Variants in ADPRHL1 observed in about 807,000 individuals in gnomAD.
ADPRHL1 encodes ADP-ribosylhydrolase like 1.
Under a neutral mutation model 44.1 loss-of-function variants are expected in ADPRHL1, and 43 were observed. The observed-to-expected ratio is 0.98, with a 90% CI of 0.76 to 1.26. The LOEUF (loss-of-function observed/expected upper bound fraction) is 1.26, where lower values mean the gene tolerates loss of function less well. ADPRHL1 is among the 50% of genes most tolerant of loss of function. The pLI is 0.00. For missense variants in ADPRHL1, 2,022 were observed against 2,496.9 expected (o/e 0.81, Z 4.05); for synonymous variants, 878 against 1,017.4 (o/e 0.86, Z 2.61).
At chr13:113,413,542 G>A (rs1051221180) in intron 7 of ADPRHL1, among the ~76,000 whole-genome samples, 10 of 152,194 alleles carry the variant, frequency 6.6e-5, no homozygotes, top group Non-Finnish European at 4.4e-5. Flanking sequence ...CCCTGTGATC[G>A]GGGCCTTCAC....
intron 6 of ADPRHL1, among the ~76,000 whole-genome samples, chr13:113,423,775 T>C (rs1244616433): frequency 6.6e-6 from 1 of 152,198 alleles, no homozygotes; most frequent in Non-Finnish European, 1.5e-5. Context: ...CAGGCCACAG[T>C]CTGCGACTTT....
chr13:113,436,352 G>A (rs1461973210), intron 2 of ADPRHL1, among the ~76,000 whole-genome samples: 2 of 124,922 alleles, frequency 1.6e-5, no homozygotes, highest in African/African-American at 3.1e-5. Context: ...GGTGTACCCC[G>A]GGACCCAGCA....
chr13:113,439,623 T>C (rs1175923617), intron 2 of ADPRHL1, among the ~76,000 whole-genome samples: 6 of 151,430 alleles, frequency 4.0e-5, no homozygotes, highest in Non-Finnish European at 8.8e-5. Context: ...AATTTTTGTA[T>C]TTTTAGTAGA....
intron 4 of ADPRHL1, among the ~76,000 whole-genome samples, chr13:113,428,237 C>T (rs2043980876): frequency 1.1e-5 from 1 of 89,780 alleles, no homozygotes; most frequent in African/African-American, 4.5e-5. Context: ...AGCCAGATTC[C>T]ATCTCAAAAA....
At chr13:113,419,735 G>C (rs1056307750) in intron 7 of ADPRHL1, among the ~76,000 whole-genome samples, 5 of 152,116 alleles carry the variant, frequency 3.3e-5, no homozygotes, top group African/African-American at 1.2e-4. Context: ...CAGTTAAAAA[G>C]GCGCAGATTG....
At position 113,400,491 on chromosome 13, in the gene ADPRHL1, T is replaced by C. The variant is rs528816463; in HGVS notation, c.*2887A>G. ...TTTTTTTAAAAAAACAAAACAACTT[T>C]GGGTTTTATTTAAAATGCCCGTGGA... On this transcript the variant is annotated 3_prime_UTR_variant, in exon 8 of 8. Coordinates refer to ENST00000612156, the MANE Select transcript of ADPRHL1 (RefSeq NM_001394807.1). The C allele has an allele frequency of 6.6e-6, 1 of 151,746 alleles. No individual in the cohort carries two copies. The highest frequency in any genetic ancestry group is 1.9e-4 in the East Asian group (1 of 5,160). The allele number at this position is 151,746 out of a possible 1,614,324, so 9.4% of individuals were successfully genotyped here. A position where few individuals can be genotyped will look rare whatever the true frequency, so the allele number is the denominator to read the frequency against.
chr13:113,444,223 G>A (rs998652439), intron 2 of ADPRHL1, among the ~76,000 whole-genome samples: 3 of 152,054 alleles, frequency 2.0e-5, no homozygotes, highest in Non-Finnish European at 2.9e-5. Flanking sequence ...GACCAGGAGG[G>A]GCCCCTGCCC....
chr13:113,444,733 C>T, intron 1 of ADPRHL1, 144 bp from the exon 2 acceptor site: 5 of 965,936 alleles, frequency 5.2e-6, no homozygotes, highest in Non-Finnish European at 6.1e-6. Context: ...CTCCGTTCTC[C>T]TGCCTCAGCC....
chr13:113,404,571 G>A lies in ADPRHL1; in HGVS notation c.4711C>T (p.Pro1571Ser). The change falls in exon 8 of 8, where the codon CCA (proline) becomes TCA (serine). Residue 1571 changes from proline (P) to serine (S), a missense_variant. Pro to Ser is a moderately conservative substitution (Grantham distance 74, BLOSUM62 -1). This residue lies in a region of ADPRHL1 where 32 missense variants were observed against 72.6 expected (regional missense o/e 0.44). Coordinates refer to ENST00000612156, the MANE Select transcript of ADPRHL1 (RefSeq NM_001394807.1). ...TGTCCCTGGGCCCCACCCTGAGCTG[G>A]TTCCTGTGCCTGCCCCTGGGCCTCT... ...QIEAQGQAQE[P>S]AQGGAQGQVQ... The A allele has an allele frequency of 7.7e-7, 1 of 1,293,166 alleles. No individual in the cohort carries two copies. The highest frequency in any genetic ancestry group is 9.8e-7 in the Non-Finnish European group (1 of 1,024,460). The allele number at this position is 1,293,166 out of a possible 1,614,324, so 80.1% of individuals were successfully genotyped here.
chr13:113,412,323 GC>G (rs1207238267), intron 7 of ADPRHL1, among the ~76,000 whole-genome samples: 1 of 152,098 alleles, frequency 6.6e-6, no homozygotes, highest in Non-Finnish European at 1.5e-5. Flanking sequence ...GACTACAGGC[GC>G]CCGCCACCAC....
At chr13:113,438,131 G>T (rs1489632817) in intron 2 of ADPRHL1, among the ~76,000 whole-genome samples, 1 of 152,042 alleles carries the variant, frequency 6.6e-6, no homozygotes, top group South Asian at 2.1e-4. Flanking sequence ...ACGCCTGGCA[G>T]AATGTTTAAC....
intron 1 of ADPRHL1, among the ~76,000 whole-genome samples, chr13:113,447,796 C>G (rs572534470): frequency 2.0e-5 from 3 of 152,192 alleles, no homozygotes; most frequent in Non-Finnish European, 4.4e-5. Context: ...GCACCCGAAA[C>G]CCCTGGATGG....
At chr13:113,410,792 C>A (rs1179742551) in intron 7 of ADPRHL1, among the ~76,000 whole-genome samples, 3 of 152,230 alleles carry the variant, frequency 2.0e-5, no homozygotes, top group Non-Finnish European at 4.4e-5. Context: ...GGTTGGGGGA[C>A]CAGCCTGGGG....
intron 5 of ADPRHL1, among the ~76,000 whole-genome samples, chr13:113,424,812 G>C (rs56011933): frequency 0.16 from 822 of 5,070 alleles, no homozygotes; most frequent in Middle Eastern, 0.2. Context: ...ACCCACCCAT[G>C]CACCCATCCA....
rs550132616 is a variant in ADPRHL1, at chr13:113,412,673, C to T, written c.1062-4453G>A. On this transcript the variant is annotated intron_variant, in intron 7 of 7. Transcript: ENST00000612156. ...AGACCCGTGGGTGGCGAACAGCCCCCGTGGAGGCTCGGTTCACCCACCGCC... is the reference window on the plus strand; with the variant it reads ...AGACCCGTGGGTGGCGAACAGCCCCTGTGGAGGCTCGGTTCACCCACCGCC... 2.8e-4 allele frequency among the ~76,000 whole-genome samples: 42 copies of T among 152,306 alleles called. No homozygotes were observed. In the South Asian group the frequency reaches 3.9e-3, roughly 14 times the overall value.
chr13:113,433,335 C>G (rs2044020642), intron 3 of ADPRHL1, among the ~76,000 whole-genome samples: 1 of 152,198 alleles, frequency 6.6e-6, no homozygotes, highest in Admixed American at 6.5e-5. Flanking sequence ...CACCTGCACC[C>G]AGGCACTGGT....
chr13:113,404,329 C>T lies in ADPRHL1; in HGVS notation c.4953G>A (p.Arg1651=). Reference sequence around the variant, plus strand: ...TCTGCTCCTGAGCCTGTTCCTGGGCCCGTTCCTGAGCCCCTTTCTGGGCCT... The same window carrying T: ...TCTGCTCCTGAGCCTGTTCCTGGGCTCGTTCCTGAGCCCCTTTCTGGGCCT... The part of the protein sequence containing the change: ...QGQAQKGAQE[R]AQEQAQEQTQ... Residue 1651 remains arginine (R), a synonymous_variant, in exon 8 of 8, where the codon CGG becomes CGA. Transcript: ENST00000612156. The T allele has an allele frequency of 7.5e-7, 1 of 1,328,782 alleles. No individual in the cohort carries two copies. The highest frequency in any genetic ancestry group is 9.5e-7 in the Non-Finnish European group (1 of 1,047,696). The allele number at this position is 1,328,782 out of a possible 1,614,324, so 82.3% of individuals were successfully genotyped here. A position where few individuals can be genotyped will look rare whatever the true frequency, so the allele number is the denominator to read the frequency against.
At chr13:113,408,890 A>AAGGGGGGAGGGGGCTGCAGAGAGGG (rs2043829509) in intron 7 of ADPRHL1, among the ~76,000 whole-genome samples, 1 of 102,456 alleles carries the variant, frequency 9.8e-6, no homozygotes, top group African/African-American at 4.1e-5. Flanking sequence ...TGCAGAGAGG[A>AAGGGGGGAGGGGGCTGCAGAGAGGG]GGGAAAGATG....
At chr13:113,417,615 C>G (rs1220980965) in intron 7 of ADPRHL1, among the ~76,000 whole-genome samples, 1 of 152,234 alleles carries the variant, frequency 6.6e-6, no homozygotes, top group Admixed American at 6.5e-5. Flanking sequence ...AGCCGCTGCT[C>G]GGGGTGTGGC....
Sources: gnomAD v4.1 joint callset for allele counts (sites outside exome capture counted in the v4.1 genomes callset) on GRCh38, gnomAD v4.1.1 for gene constraint, gnomAD v4.1.1 regional missense constraint, MANE v1.5 for transcripts, NCBI Gene and HGNC (gene_info 2026-07-23, HGNC 2026-07-21) for gene names.